CAPN5: variants seen among roughly 807,000 people sequenced by gnomAD.
The protein encoded by CAPN5 is calpain 5, also known as calpain-5.
In CAPN5, 54 loss-of-function variants were observed where a neutral mutation model predicts 73.0. The ratio of observed to expected loss-of-function variants is 0.74; its 90% CI spans 0.59 to 0.93. The LOEUF (loss-of-function observed/expected upper bound fraction) is 0.93. CAPN5 is among the 40% of genes least tolerant of loss of function. CAPN5 has a pLI of 0.00. For synonymous variants in CAPN5, 335 were observed against 356.9 expected (o/e 0.94, Z 0.69); for missense variants, 785 against 882.9 (o/e 0.89, Z 1.41).
Position 77,118,370 on chromosome 11 carries a change from C to A in CAPN5, c.1167+18C>A. On this transcript the variant is annotated intron_variant, in intron 8 of 12. Coordinates refer to ENST00000648180, the MANE Select transcript of CAPN5 (RefSeq NM_004055.5). Reference sequence around the variant, plus strand: ...ACCCACAGGTGGGCGTTCTCAGGAACCCCCACCCTGCCCTGTAGCAGCTGC... The same window carrying A: ...ACCCACAGGTGGGCGTTCTCAGGAAACCCCACCCTGCCCTGTAGCAGCTGC... 1 of 1,549,834 alleles carries A rather than the reference C, an allele frequency of 6.5e-7. No individual in the cohort carries two copies.
intron 3 of CAPN5, among the ~76,000 whole-genome samples, chr11:77,110,117 C>CTT (rs34542185): frequency 6.2e-4 from 89 of 144,450 alleles, no homozygotes; most frequent in Non-Finnish European, 8.7e-4. Flanking sequence ...TGGAACCGCT[C>CTT]TTTTTTTTTT....
At chr11:77,102,754 G>T in intron 3 of CAPN5, 1 of 1,429,258 alleles carries the variant, frequency 7.0e-7, no homozygotes, top group South Asian at 1.5e-5. Context: ...AGTAGGTGGG[G>T]CCCCCCTTTG....
chr11:77,109,384 A>C (rs544831574), intron 3 of CAPN5, among the ~76,000 whole-genome samples: 60 of 147,362 alleles, frequency 4.1e-4, no homozygotes, highest in African/African-American at 1.5e-3. Flanking sequence ...TTCCAGTTTA[A>C]AAAAAAAATG....
intron 12 of CAPN5, among the ~76,000 whole-genome samples, chr11:77,123,261 C>T (rs1950541876): frequency 1.3e-5 from 2 of 152,172 alleles, no homozygotes; most frequent in Admixed American, 6.5e-5. Context: ...TTTGGGTCCC[C>T]CTGGGGGAGC....
chr11:77,092,755 T>A (rs971664281), intron 2 of CAPN5, among the ~76,000 whole-genome samples: 2 of 152,196 alleles, frequency 1.3e-5, no homozygotes, highest in African/African-American at 4.8e-5. Context: ...GGCCAGCAGA[T>A]CAGGAGTTTG....
intron 5 of CAPN5, 142 bp from the exon 6 acceptor site, chr11:77,115,252 CT>C: frequency 1.6e-6 from 1 of 639,638 alleles, no homozygotes; most frequent in Non-Finnish European, 2.6e-6. Flanking sequence ...TTTTAAAGCT[CT>C]GTGAACACAG....
chr11:77,112,388 C>T (rs533445534), intron 3 of CAPN5, among the ~76,000 whole-genome samples: 42 of 152,242 alleles, frequency 2.8e-4, no homozygotes, highest in African/African-American at 1.0e-3. Flanking sequence ...AGGGAGCCTC[C>T]AAGCCTCGCG....
chr11:77,093,169 C>T (rs1240289181), intron 2 of CAPN5, among the ~76,000 whole-genome samples: 1 of 152,206 alleles, frequency 6.6e-6, no homozygotes, highest in Non-Finnish European at 1.5e-5. Context: ...CCATGCGGGG[C>T]CTGGCCCACC....
chr11:77,077,538 T>C (rs11237079), intron 1 of CAPN5, among the ~76,000 whole-genome samples: 1 of 151,980 alleles, frequency 6.6e-6, no homozygotes, highest in African/African-American at 2.4e-5. Context: ...TTTTTTTTTT[T>C]TGTTTTTTGA....
intron 1 of CAPN5, among the ~76,000 whole-genome samples, chr11:77,075,535 C>T (rs1165270183): frequency 3.3e-5 from 5 of 152,174 alleles, no homozygotes; most frequent in Non-Finnish European, 5.9e-5. Flanking sequence ...TTTCCCACTC[C>T]GCCTCCCTTC....
intron 1 of CAPN5, among the ~76,000 whole-genome samples, chr11:77,073,509 C>T (rs75865480): frequency 1.3e-5 from 2 of 152,150 alleles, no homozygotes; most frequent in Non-Finnish European, 2.9e-5. Flanking sequence ...CAGAGACACA[C>T]AGAGCCAGGC....
chr11:77,077,460 G>A (rs1949983373), intron 1 of CAPN5, among the ~76,000 whole-genome samples: 1 of 151,902 alleles, frequency 6.6e-6, no homozygotes, highest in Non-Finnish European at 1.5e-5. Flanking sequence ...GCCCAAAGGT[G>A]GGAGGTGGTA....
chr11:77,076,977 C>G (rs1555034003), intron 1 of CAPN5, among the ~76,000 whole-genome samples: 1 of 152,194 alleles, frequency 6.6e-6, no homozygotes, highest in East Asian at 1.9e-4. Context: ...ATTTACATTC[C>G]CACCAACAGC....
At chr11:77,071,427 G>A (rs558997281) in intron 1 of CAPN5, among the ~76,000 whole-genome samples, 1 of 152,174 alleles carries the variant, frequency 6.6e-6, no homozygotes, top group Non-Finnish European at 1.5e-5. Context: ...AGACATTCAC[G>A]CAATAAGCCC....
At chr11:77,115,978 C>G (rs1043399603) in intron 6 of CAPN5, among the ~76,000 whole-genome samples, 4 of 152,078 alleles carry the variant, frequency 2.6e-5, no homozygotes, top group South Asian at 2.1e-4. Context: ...CCCTTCCCCC[C>G]AGTCTGCAGC....
At chr11:77,114,573 G>A in intron 5 of CAPN5, 139 bp downstream of exon 5, 4 of 795,540 alleles carry the variant, frequency 5.0e-6, no homozygotes, top group South Asian at 1.6e-5. Flanking sequence ...GGGAGAAGTT[G>A]GAAGGTGCAA....
At chr11:77,091,800 G>A (rs782466217) in intron 2 of CAPN5, among the ~76,000 whole-genome samples, 16 of 152,214 alleles carry the variant, frequency 1.1e-4, no homozygotes, top group Non-Finnish European at 1.6e-4. Flanking sequence ...GCATCTCTTG[G>A]TGCTGGAGCC....
intron 3 of CAPN5, among the ~76,000 whole-genome samples, chr11:77,105,838 C>T (rs1000061265): frequency 6.6e-6 from 1 of 152,232 alleles, no homozygotes; most frequent in Non-Finnish European, 1.5e-5. Flanking sequence ...GTTCCCTCAT[C>T]ACCACTCTGA....
intron 3 of CAPN5, among the ~76,000 whole-genome samples, chr11:77,099,733 G>GGGAGAGGGAGAGGGAGAC (rs1565267914): frequency 2.7e-5 from 4 of 148,966 alleles, no homozygotes; most frequent in Non-Finnish European, 1.5e-5. Context: ...GAGACGGAGA[G>GGGAGAGGGAGAGGGAGAC]GGAGAGGGAG....
Sources: gnomAD v4.1 joint callset for allele counts (sites outside exome capture counted in the v4.1 genomes callset) on GRCh38, gnomAD v4.1.1 for gene constraint, MANE v1.5 for transcripts, NCBI Gene and HGNC (gene_info 2026-07-23, HGNC 2026-07-21) for gene names.